FAM227B: variants seen among roughly 807,000 people sequenced by gnomAD.
FAM227B encodes protein FAM227B.
A neutral mutation model predicts 73.8 loss-of-function variants in FAM227B; 88 were observed. The ratio of observed to expected loss-of-function variants is 1.19; its 90% CI spans 1.00 to 1.42. The LOEUF (loss-of-function observed/expected upper bound fraction) is 1.42, where lower values mean the gene tolerates loss of function less well. Ranked by LOEUF, FAM227B falls within the 40% of genes most tolerant of loss-of-function variation. The pLI, the probability that FAM227B is intolerant of heterozygous loss-of-function variation, is 0.00. For missense variants in FAM227B, 632 were observed against 590.9 expected, an observed-to-expected ratio of 1.07 and a Z score of -0.72; for synonymous variants, 210 against 190.5, an observed-to-expected ratio of 1.10 and a Z score of -0.84.
chr15:49,522,730 A>G (rs1295627329), intron 10 of FAM227B, among the ~76,000 whole-genome samples: 1 of 152,180 alleles, frequency 6.6e-6, no homozygotes, highest in Non-Finnish European at 1.5e-5. Context: ...CAGTCATACA[A>G]AAATTAAAAA....
At chr15:49,448,710 T>C (rs1437308682) in intron 11 of FAM227B, among the ~76,000 whole-genome samples, 3 of 151,708 alleles carry the variant, frequency 2.0e-5, no homozygotes, top group Non-Finnish European at 2.9e-5. Flanking sequence ...TTGCTTTTAA[T>C]ACATGTGGCT....
chr15:49,589,317 C>A (rs1338294944), intron 4 of FAM227B, among the ~76,000 whole-genome samples: 1 of 151,940 alleles, frequency 6.6e-6, no homozygotes, highest in Non-Finnish European at 1.5e-5. Flanking sequence ...TTAGTTGATG[C>A]AATCTTGCTC....
intron 11 of FAM227B, chr15:49,487,138 G>A (rs2056460929): frequency 6.6e-6 from 1 of 151,772 alleles, no homozygotes; most frequent in Non-Finnish European, 1.5e-5. Flanking sequence ...CATACACAAT[G>A]ACTAATCTAT....
intron 8 of FAM227B, among the ~76,000 whole-genome samples, chr15:49,569,933 G>A (rs963757647): frequency 6.6e-6 from 1 of 151,882 alleles, no homozygotes; most frequent in Admixed American, 6.6e-5. Flanking sequence ...GTTCATTCAG[G>A]TTGTCACAAA....
chr15:49,492,443 T>C (rs1225677218), intron 11 of FAM227B, among the ~76,000 whole-genome samples: 1 of 151,902 alleles, frequency 6.6e-6, no homozygotes, highest in Non-Finnish European at 1.5e-5. Flanking sequence ...TGGCAGTGCT[T>C]ATCTCAATTC....
At chr15:49,425,358 A>C (rs2050032057) in intron 11 of FAM227B, 1 of 151,984 alleles carries the variant, frequency 6.6e-6, no homozygotes, top group Admixed American at 6.6e-5. Flanking sequence ...CTTATGTTAA[A>C]ATATCAGGGT....
At chr15:49,334,382 G>A (rs573000137) in intron 14 of FAM227B, 14 of 274,408 alleles carry the variant, frequency 5.1e-5, no homozygotes, top group African/African-American at 2.7e-4. Flanking sequence ...TGATATACAC[G>A]TGTTAGTAAA....
At chr15:49,395,398 T>G (rs147459557) in intron 11 of FAM227B, among the ~76,000 whole-genome samples, 1 of 152,262 alleles carries the variant, frequency 6.6e-6, no homozygotes, top group Non-Finnish European at 1.5e-5. Flanking sequence ...TTAAGGACAC[T>G]GGAAACAACG....
intron 13 of FAM227B, among the ~76,000 whole-genome samples, chr15:49,342,884 T>C (rs1186312866): frequency 6.6e-6 from 1 of 152,214 alleles, no homozygotes; most frequent in Non-Finnish European, 1.5e-5. Context: ...AGGTTTTTGC[T>C]GAGAAGTCTG....
At chr15:49,472,106 A>C (rs2054835636) in intron 11 of FAM227B, among the ~76,000 whole-genome samples, 1 of 152,016 alleles carries the variant, frequency 6.6e-6, no homozygotes, top group Admixed American at 6.5e-5. Flanking sequence ...CTGTTAGCTT[A>C]GAATAACTGA....
intron 11 of FAM227B, among the ~76,000 whole-genome samples, chr15:49,441,400 T>C (rs2051629103): frequency 6.6e-6 from 1 of 151,676 alleles, no homozygotes; most frequent in Admixed American, 6.6e-5. Flanking sequence ...AAAACTAATA[T>C]CAACACAAGA....
intron 13 of FAM227B, chr15:49,365,184 G>T: frequency 3.8e-6 from 3 of 787,286 alleles, no homozygotes; most frequent in Non-Finnish European, 6.8e-6. Flanking sequence ...GCATAATACA[G>T]ATGGTCCATC....
rs77711525 is a variant in FAM227B, at chr15:49,470,143, T to C, written c.1012+38068A>G. ...GGTATTATGATCAAAGCGTGGAAAATGATGGAATTCTAAAATGTTACTGTA... is the reference window on the plus strand; with the variant it reads ...GGTATTATGATCAAAGCGTGGAAAACGATGGAATTCTAAAATGTTACTGTA... On this transcript the variant is annotated intron_variant, in intron 11 of 15. Coordinates refer to ENST00000299338, the MANE Select transcript of FAM227B (RefSeq NM_152647.3). Among the ~76,000 whole-genome samples, 19 of 152,172 alleles carry C rather than the reference T, an allele frequency of 1.2e-4. No individual in the cohort carries two copies. The East Asian group carries it at 3.5e-3, about 28-fold the overall frequency.
chr15:49,409,604 T>G (rs920154353), intron 11 of FAM227B, among the ~76,000 whole-genome samples: 1 of 151,618 alleles, frequency 6.6e-6, no homozygotes, highest in Non-Finnish European at 1.5e-5. Context: ...TGGCACTTAA[T>G]AAAGGCTCAA....
At chr15:49,335,583 G>A (rs1416978437) in intron 13 of FAM227B, 87 bp from the exon 14 acceptor site, 15 of 881,350 alleles carry the variant, frequency 1.7e-5, no homozygotes, top group South Asian at 1.6e-4. Flanking sequence ...CAAGGGGACC[G>A]TGTGACCTTC....
intron 10 of FAM227B, among the ~76,000 whole-genome samples, chr15:49,529,081 C>CT (rs1450360889): frequency 6.6e-6 from 1 of 151,754 alleles, no homozygotes; most frequent in Non-Finnish European, 1.5e-5. Flanking sequence ...ACCTAAGTGT[C>CT]TATCAATGGA....
At chr15:49,449,665 T>C (rs1164889350) in intron 11 of FAM227B, among the ~76,000 whole-genome samples, 1 of 152,076 alleles carries the variant, frequency 6.6e-6, no homozygotes, top group Admixed American at 6.6e-5. Flanking sequence ...ATCTTAAGCT[T>C]GTCCAGGTCC....
chr15:49,505,300 T>G (rs1285919459), intron 11 of FAM227B, among the ~76,000 whole-genome samples: 1 of 152,126 alleles, frequency 6.6e-6, no homozygotes, highest in East Asian at 1.9e-4. Context: ...TTGAGAGAGA[T>G]AGATGTTTTT....
At chr15:49,602,552 A>G (rs2077273060) in intron 3 of FAM227B, among the ~76,000 whole-genome samples, 1 of 152,108 alleles carries the variant, frequency 6.6e-6, no homozygotes, top group Non-Finnish European at 1.5e-5. Context: ...ATCATCCCTT[A>G]TCAGATGAGT....
Sources: gnomAD v4.1 joint callset for allele counts (sites outside exome capture counted in the v4.1 genomes callset) on GRCh38, gnomAD v4.1.1 for gene constraint, MANE v1.5 for transcripts, NCBI Gene and HGNC (gene_info 2026-07-23, HGNC 2026-07-21) for gene names.